UBE2V1: variants seen among roughly 807,000 people sequenced by gnomAD.
UBE2V1 encodes ubiquitin-conjugating enzyme E2 variant 1.
Under a neutral mutation model 19.6 loss-of-function variants are expected in UBE2V1, and 15 were observed. That is an observed-to-expected ratio of 0.77 (90% CI 0.51 to 1.18). The LOEUF (loss-of-function observed/expected upper bound fraction) is 1.18. UBE2V1 is among the 50% of genes most tolerant of loss of function. The pLI, the probability that UBE2V1 is intolerant of heterozygous loss-of-function variation, is 0.00. For synonymous variants in UBE2V1, 60 were observed against 60.7 expected, an observed-to-expected ratio of 0.99 and a Z score of 0.05; for missense variants, 125 against 184.8, an observed-to-expected ratio of 0.68 and a Z score of 1.88.
At chr20:50,091,524 C>CCTGAGT (rs1053598613) in intron 2 of UBE2V1, among the ~76,000 whole-genome samples, 2 of 150,196 alleles carry the variant, frequency 1.3e-5, no homozygotes, top group Admixed American at 1.3e-4. Flanking sequence ...GCCTCAGCCT[C>CCTGAGT]CTGAGTCAGG....
intron 1 of UBE2V1, among the ~76,000 whole-genome samples, chr20:50,109,277 C>T (rs901180833): frequency 1.3e-5 from 2 of 152,122 alleles, no homozygotes; most frequent in Non-Finnish European, 2.9e-5. Context: ...GGATTCCTGA[C>T]TTCATATTTT....
chr20:50,106,200 C>A (rs1321440135), intron 1 of UBE2V1, among the ~76,000 whole-genome samples: 1 of 151,942 alleles, frequency 6.6e-6, no homozygotes, highest in Non-Finnish European at 1.5e-5. Context: ...CAGAATTATT[C>A]TTTCCAGAAG....
intron 2 of UBE2V1, among the ~76,000 whole-genome samples, chr20:50,088,375 C>G (rs1432047911): frequency 6.6e-6 from 1 of 152,114 alleles, no homozygotes; most frequent in Admixed American, 6.5e-5. Context: ...TTGGTTGTGA[C>G]AAATGTACCA....
chr20:50,098,209 T>G (rs2079758953), intron 1 of UBE2V1, among the ~76,000 whole-genome samples: 1 of 152,142 alleles, frequency 6.6e-6, no homozygotes, highest in Non-Finnish European at 1.5e-5. Flanking sequence ...GGAGAAAGTC[T>G]TTGAGACAGA....
intron 1 of UBE2V1, 105 bp from the exon 2 acceptor site, chr20:50,096,925 T>C: frequency 3.3e-6 from 5 of 1,529,828 alleles, no homozygotes; most frequent in South Asian, 1.3e-5. Flanking sequence ...GATGCTAACA[T>C]GCAAAAAAAT....
intron 2 of UBE2V1, among the ~76,000 whole-genome samples, chr20:50,093,179 T>A (rs1318729318): frequency 2.0e-5 from 3 of 152,248 alleles, no homozygotes; most frequent in Non-Finnish European, 4.4e-5. Flanking sequence ...CAATGCTGCA[T>A]GAAATAATTT....
intron 2 of UBE2V1, among the ~76,000 whole-genome samples, chr20:50,088,513 C>A (rs191493888): frequency 6.6e-6 from 1 of 152,240 alleles, no homozygotes; most frequent in Admixed American, 6.5e-5. Context: ...AGGCTAGGCA[C>A]GGTGGCCCAC....
At position 50,082,607 on chromosome 20, in the gene UBE2V1, T is replaced by A; in HGVS notation, c.*161A>T. The A allele has an allele frequency of 3.1e-6, 4 of 1,288,806 alleles. No individual in the cohort carries two copies. The highest frequency in any genetic ancestry group is 2.8e-4 in the Middle Eastern group (1 of 3,604). The allele number at this position is 1,288,806 out of a possible 1,614,324, so 79.8% of individuals were successfully genotyped here. On this transcript the variant is annotated 3_prime_UTR_variant, in exon 4 of 4. Transcript: ENST00000371674. The stretch of plus-strand genomic sequence containing the variant: ...ATTTCAAATGGACAAAAAATTAGTA[T>A]CATTTACAGTATCTTAAGATAAATT...
chr20:50,085,942 C>G (rs2078887986), intron 2 of UBE2V1, among the ~76,000 whole-genome samples: 1 of 151,988 alleles, frequency 6.6e-6, no homozygotes, highest in South Asian at 2.1e-4. Flanking sequence ...CCCCACTGTT[C>G]TACCTCTGAA....
chr20:50,089,687 C>T (rs2079113239), intron 2 of UBE2V1, among the ~76,000 whole-genome samples: 1 of 152,178 alleles, frequency 6.6e-6, no homozygotes, highest in Non-Finnish European at 1.5e-5. Context: ...GACTCTCCCT[C>T]TTCCCACCAT....
intron 1 of UBE2V1, among the ~76,000 whole-genome samples, chr20:50,097,073 C>T (rs1601056672): frequency 6.6e-6 from 1 of 152,320 alleles, no homozygotes; most frequent in Non-Finnish European, 1.5e-5. Flanking sequence ...AAAGATACCC[C>T]ACCCCTACCC....
Position 50,112,832 on chromosome 20 carries a change from C to G in UBE2V1, c.22+275G>C, listed in dbSNP as rs551430554. ...CCTCGGAGCTCGCTCCTCGCCCACT[C>G]CGGCTCCCCCAGACAGCACAGAGGG... On this transcript the variant is annotated intron_variant, in intron 1 of 3. Transcript: ENST00000371674. 5.3e-5 allele frequency among the ~76,000 whole-genome samples: 8 copies of G among 152,314 alleles called. 1 individual carries two copies. In the South Asian group the frequency reaches 1.7e-3, roughly 32 times the overall value.
rs1011383528 is a variant in UBE2V1, at chr20:50,100,029, C to T, written c.23-3209G>A. ...GGGAGGGTCACTTGAGCCAGGAAGG[C>T]GGAGGTTGCAGTGAGGCGAGACTGC... On this transcript the variant is annotated intron_variant, in intron 1 of 3. Transcript: ENST00000371674. 5.3e-5 allele frequency among the ~76,000 whole-genome samples: 8 copies of T among 150,660 alleles called. No individual in the cohort carries two copies. The South Asian group carries it at 6.3e-4, about 12-fold the overall frequency.
chr20:50,114,933 G>C (rs2080963784), upstream of UBE2V1: 1 of 152,342 alleles, frequency 6.6e-6, no homozygotes, highest in South Asian at 2.0e-4. Context: ...GGGCGTGGTA[G>C]CACACACCTG....
intron 2 of UBE2V1, among the ~76,000 whole-genome samples, chr20:50,090,186 C>G (rs1470299404): frequency 6.6e-6 from 1 of 152,210 alleles, no homozygotes; most frequent in Non-Finnish European, 1.5e-5. Context: ...ATTAAATTAT[C>G]TCTGTTGCCT....
At chr20:50,083,012 C>T in intron 3 of UBE2V1, 98 bp from the exon 4 acceptor site, 2 of 1,532,770 alleles carry the variant, frequency 1.3e-6, no homozygotes, top group South Asian at 2.5e-5. Flanking sequence ...GTAAGATGTA[C>T]TTTTTAAGCT....
chr20:50,096,357 G>A, intron 2 of UBE2V1: 1 of 398,690 alleles, frequency 2.5e-6, no homozygotes. Context: ...GCTATACCTA[G>A]GGCCTAGTTA....
chr20:50,094,949 CT>C (rs2079537547), intron 2 of UBE2V1: 1 of 152,064 alleles, frequency 6.6e-6, no homozygotes, highest in African/African-American at 2.4e-5. Context: ...CTTCCAAAGC[CT>C]CTTTTGGAAA....
chr20:50,115,128 C>G, upstream of UBE2V1: 1 of 195,184 alleles, frequency 5.1e-6, no homozygotes, highest in East Asian at 1.2e-4. Flanking sequence ...CTTGGCACAG[C>G]CTGCGCCTCT....
Sources: gnomAD v4.1 joint callset for allele counts (sites outside exome capture counted in the v4.1 genomes callset) on GRCh38, gnomAD v4.1.1 for gene constraint, MANE v1.5 for transcripts, NCBI Gene and HGNC (gene_info 2026-07-23, HGNC 2026-07-21) for gene names.